The following TASP1 variants were observed in gnomAD, a reference collection of about 807,000 sequenced individuals.
TASP1 encodes the protein taspase 1.
TASP1 carries 16 observed loss-of-function variants against 56.6 expected under a neutral mutation model. The observed-to-expected ratio is 0.28, with a 90% CI of 0.19 to 0.43. TASP1 has a LOEUF of 0.43. Ranked by LOEUF, TASP1 falls within the 20% of genes least tolerant of loss-of-function variation. The probability of loss-of-function intolerance (pLI) is 1.00; values close to 1 mark genes in which losing one functional copy is unlikely to be tolerated. For missense variants in TASP1, 393 were observed against 511.6 expected (o/e 0.77, Z 2.24); for synonymous variants, 179 against 184.2 (o/e 0.97, Z 0.23).
At chr20:13,466,731 A>G (rs1310344768) in intron 11 of TASP1, among the ~76,000 whole-genome samples, 2 of 152,150 alleles carry the variant, frequency 1.3e-5, no homozygotes, top group South Asian at 2.1e-4. Flanking sequence ...ACAAAGCAAG[A>G]CTCCATCTTA....
At chr20:13,599,883 T>C (rs186255356) in intron 4 of TASP1, among the ~76,000 whole-genome samples, 9 of 151,664 alleles carry the variant, frequency 5.9e-5, no homozygotes, top group Non-Finnish European at 1.0e-4. Flanking sequence ...GAAAAACAAA[T>C]AGTTATTCCT....
At chr20:13,528,562 T>C (rs2045083557) in intron 9 of TASP1, 51 bp from the exon 10 acceptor site, 1 of 1,483,134 alleles carries the variant, frequency 6.7e-7, no homozygotes, top group African/African-American at 1.4e-5. Flanking sequence ...CATATGTAAT[T>C]ATTAGTTTTC....
At chr20:13,307,552 A>C in the TASP1 span, among the ~76,000 whole-genome samples, 1 of 152,228 alleles carries the variant, frequency 6.6e-6, no homozygotes, top group Non-Finnish European at 1.5e-5. Context: ...ACACAAAATA[A>C]ATAAGGCAAA....
chr20:13,427,206 T>C (rs1421957902), intron 12 of TASP1, among the ~76,000 whole-genome samples: 1 of 152,234 alleles, frequency 6.6e-6, no homozygotes, highest in African/African-American at 2.4e-5. Context: ...CAAAAGGCGG[T>C]TTGGAATTTT....
chr20:13,589,009 A>T (rs990072125), intron 4 of TASP1, among the ~76,000 whole-genome samples: 1 of 152,002 alleles, frequency 6.6e-6, no homozygotes, highest in Non-Finnish European at 1.5e-5. Flanking sequence ...TAATCAATTC[A>T]ACAAGGTTGC....
chr20:13,237,610 C>T, the TASP1 span, among the ~76,000 whole-genome samples: 2 of 152,142 alleles, frequency 1.3e-5, no homozygotes, highest in Non-Finnish European at 2.9e-5. Flanking sequence ...AATGTTTTGC[C>T]TCTTGATCTA....
At chr20:13,386,825 T>G (rs1449251154), downstream of TASP1, among the ~76,000 whole-genome samples, 1 of 152,222 alleles carries the variant, frequency 6.6e-6, no homozygotes, top group African/African-American at 2.4e-5. Context: ...AAAAAAATTC[T>G]AACATATTGA....
the TASP1 span, among the ~76,000 whole-genome samples, chr20:13,124,533 G>A: frequency 6.6e-6 from 1 of 151,996 alleles, no homozygotes; most frequent in African/African-American, 2.4e-5. Context: ...TTGAAGTGAA[G>A]GAGAAGATGG....
the TASP1 span, among the ~76,000 whole-genome samples, chr20:13,284,861 T>A: frequency 6.6e-6 from 1 of 152,340 alleles, no homozygotes; most frequent in South Asian, 2.1e-4. Flanking sequence ...GCATTTAAAA[T>A]AAAGATGTGG....
At chr20:13,584,221 T>C (rs1251540123) in intron 5 of TASP1, among the ~76,000 whole-genome samples, 1 of 152,164 alleles carries the variant, frequency 6.6e-6, no homozygotes, top group Non-Finnish European at 1.5e-5. Flanking sequence ...AAAAAATGCA[T>C]TCAAGAGGTA....
chr20:13,312,551 G>T, the TASP1 span, among the ~76,000 whole-genome samples: 6 of 152,204 alleles, frequency 3.9e-5, no homozygotes, highest in African/African-American at 1.4e-4. Context: ...TTACTGGACA[G>T]GAGGCCTCAA....
intron 10 of TASP1, among the ~76,000 whole-genome samples, chr20:13,490,282 G>A (rs73899329): frequency 0.033 from 4,966 of 152,080 alleles, 267 homozygotes; most frequent in African/African-American, 0.11. Flanking sequence ...CATATTGTCT[G>A]AAAAATGGAG....
chr20:13,297,982 G>T, the TASP1 span, among the ~76,000 whole-genome samples: 1 of 152,178 alleles, frequency 6.6e-6, no homozygotes. Context: ...AAGGTTAAGA[G>T]GCTGGGGGAA....
rs185509622 is a variant in TASP1, at chr20:13,593,818, G to A, written c.283-6448C>T. On this transcript the variant is annotated intron_variant, in intron 4 of 13. Coordinates refer to ENST00000337743, the MANE Select transcript of TASP1 (RefSeq NM_017714.3). ...AGCAGAAACTTCTGCAGACTTAAACGTCCCTGTCTGATAGCTCTAAAGAGA... is the reference window on the plus strand; with the variant it reads ...AGCAGAAACTTCTGCAGACTTAAACATCCCTGTCTGATAGCTCTAAAGAGA... 1.7e-3 allele frequency among the ~76,000 whole-genome samples: 256 copies of A among 152,250 alleles called. 1 individual carries two copies. The highest frequency in any genetic ancestry group is 5.7e-3 in the African/African-American group (235 of 41,550).
At chr20:13,589,672 C>A (rs1186071902) in intron 4 of TASP1, among the ~76,000 whole-genome samples, 1 of 151,636 alleles carries the variant, frequency 6.6e-6, no homozygotes, top group African/African-American at 2.4e-5. Flanking sequence ...GGGAAAAAAA[C>A]ACAAAATGGA....
intron 1 of TASP1, among the ~76,000 whole-genome samples, chr20:13,631,240 A>G (rs999601483): frequency 3.3e-4 from 50 of 152,302 alleles, no homozygotes; most frequent in African/African-American, 9.6e-4. Context: ...AATTATATAT[A>G]CACATCGTTG....
the TASP1 span, among the ~76,000 whole-genome samples, chr20:13,293,019 AC>A: frequency 2.6e-5 from 4 of 151,030 alleles, no homozygotes; most frequent in African/African-American, 4.9e-5. Flanking sequence ...ACATGGTGAA[AC>A]CCCCCCGTCT....
chr20:13,128,290 C>T, the TASP1 span, among the ~76,000 whole-genome samples: 2 of 152,200 alleles, frequency 1.3e-5, no homozygotes, highest in African/African-American at 2.4e-5. Context: ...TAGATGTCCT[C>T]TAAGATCCTG....
At chr20:13,613,363 G>A (rs1179947872) in intron 4 of TASP1, among the ~76,000 whole-genome samples, 1 of 151,994 alleles carries the variant, frequency 6.6e-6, no homozygotes, top group Non-Finnish European at 1.5e-5. Context: ...ATATTTCCAG[G>A]GAAGTTATAT....
Sources: gnomAD v4.1 joint callset for allele counts (sites outside exome capture counted in the v4.1 genomes callset) on GRCh38, gnomAD v4.1.1 for gene constraint, MANE v1.5 for transcripts, NCBI Gene and HGNC (gene_info 2026-07-23, HGNC 2026-07-21) for gene names.